The following CHD2 variants were observed in gnomAD, a reference collection of about 807,000 sequenced individuals.
The protein encoded by CHD2 is chromodomain helicase DNA binding protein 2, also known as ATP-dependent chromatin remodeler CHD2.
In CHD2, 28 loss-of-function variants were observed where a neutral mutation model predicts 243.9. The ratio of observed to expected loss-of-function variants is 0.11; its 90% CI spans 0.09 to 0.16. CHD2 has a LOEUF of 0.16. CHD2 is among the 10% of genes least tolerant of loss of function. The pLI is 1.00. For synonymous variants in CHD2, 775 were observed against 779.0 expected, an observed-to-expected ratio of 0.99 and a Z score of 0.09; for missense variants, 1,386 against 2,209.8, an observed-to-expected ratio of 0.63 and a Z score of 7.47.
At chr15:92,937,686 GATA>G in intron 6 of CHD2, 61 bp downstream of exon 6, 1 of 1,240,340 alleles carries the variant, frequency 8.1e-7, no homozygotes, top group Non-Finnish European at 1.2e-6. Context: ...GATTGGGAAG[GATA>G]ATGTCGTGCT....
At chr15:92,939,526 A>G in intron 6 of CHD2, 52 bp from the exon 7 acceptor site, 1 of 1,575,630 alleles carries the variant, frequency 6.3e-7, no homozygotes, top group Middle Eastern at 1.7e-4. Flanking sequence ...TATAAAGTAG[A>G]CACCAAATGA....
intron 16 of CHD2, among the ~76,000 whole-genome samples, chr15:92,962,610 C>T (rs781438762): frequency 6.6e-6 from 1 of 152,148 alleles, no homozygotes; most frequent in Non-Finnish European, 1.5e-5. Flanking sequence ...AAAGAATAAT[C>T]TGTATTCTGC....
At chr15:93,017,842 G>T (rs554631583) in intron 37 of CHD2, among the ~76,000 whole-genome samples, 1 of 152,334 alleles carries the variant, frequency 6.6e-6, no homozygotes, top group Admixed American at 6.5e-5. Context: ...ATGTTTCCCT[G>T]TTCTTAGATG....
intron 6 of CHD2, 80 bp from the exon 7 acceptor site, chr15:92,939,498 C>G: frequency 6.9e-7 from 1 of 1,449,750 alleles, no homozygotes. Context: ...TGAACCACTG[C>G]TCTGGGAAAT....
intron 19 of CHD2, chr15:92,973,984 G>A (rs1025768): frequency 0.77 from 116,825 of 152,110 alleles, 46,260 homozygotes; most frequent in East Asian, 1. Flanking sequence ...CTGGTGGGCA[G>A]AGTTCTGGGT....
chr15:92,999,951 A>G (rs1316041687), intron 31 of CHD2, among the ~76,000 whole-genome samples: 1 of 152,190 alleles, frequency 6.6e-6, no homozygotes, highest in Non-Finnish European at 1.5e-5. Flanking sequence ...ATGTGGAATC[A>G]GTAGGTTTAA....
intron 34 of CHD2, among the ~76,000 whole-genome samples, chr15:93,006,124 C>CTTTTTT (rs55820002): frequency 4.0e-5 from 5 of 125,282 alleles, no homozygotes; most frequent in Non-Finnish European, 6.7e-5. Flanking sequence ...CTCTCTCTCT[C>CTTTTTT]TTTTTTTTTT....
chr15:92,904,996 G>T (rs1159397411), intron 2 of CHD2: 15 of 1,535,870 alleles, frequency 9.8e-6, no homozygotes, highest in East Asian at 7.3e-5. Flanking sequence ...GCATTTGATG[G>T]AGAAAAACTC....
At chr15:92,918,740 C>A (rs544325424) in intron 2 of CHD2, among the ~76,000 whole-genome samples, 7 of 149,300 alleles carry the variant, frequency 4.7e-5, no homozygotes, top group Admixed American at 3.0e-4. Context: ...TAGGAAATGT[C>A]GTTTTTTTAA....
rs566526993 is a variant in CHD2, at chr15:92,993,049, G to A, written c.3595+51G>A. The stretch of plus-strand genomic sequence containing the variant: ...CTTCGCAACCTGGCACTCTTGGACT[G>A]GATTTCTGTTGCTAAAGGGCGTTTT... On this transcript the variant is annotated intron_variant, in intron 28 of 38. Transcript: ENST00000394196. 8.7e-5 allele frequency: 140 copies of A among 1,602,914 alleles called. No individual in the cohort carries two copies. In the South Asian group the frequency reaches 1.5e-3, roughly 17 times the overall value.
At chr15:92,950,967 A>G (rs4778060) in intron 13 of CHD2, among the ~76,000 whole-genome samples, 12,498 of 152,156 alleles carry the variant, frequency 0.082, 549 homozygotes, top group Middle Eastern at 0.22. Flanking sequence ...ATGATTCTGA[A>G]TTGCTTAAAA....
rs2054032074 is a variant in CHD2, at chr15:92,985,623, G to C, written c.3363G>C (p.Arg1121Ser). Reference sequence around the variant, plus strand: ...AGCCAAAGCGCAGAGGGCGTCCGAGGAGTGTGCGGAAGGACCTCGTGGAGG... The same window carrying C: ...AGCCAAAGCGCAGAGGGCGTCCGAGCAGTGTGCGGAAGGACCTCGTGGAGG... ...DKKPKRRGRP[R>S]SVRKDLVEGF... is the part of the protein sequence containing the mutation. The change falls in exon 26 of 39, where the codon AGG becomes AGC. Residue 1121 changes from arginine to serine, a missense_variant. Arg to Ser is a moderately radical substitution (Grantham distance 110). Around this residue, in one of 19 missense-constraint regions of CHD2, gnomAD observed 18 missense variants for 20.6 expected, o/e 0.88. Transcript: ENST00000394196. The C allele has an allele frequency of 6.2e-7, 1 of 1,613,808 alleles. No homozygotes were observed. Among genetic ancestry groups the C allele is most frequent in the African/African-American group, 1.3e-5 (1 of 75,062 alleles).
chr15:92,901,179 C>T lies in CHD2; in HGVS notation c.-59C>T. The T allele has an allele frequency of 1.0e-6, 1 of 981,646 alleles. No homozygotes were observed. The highest frequency in any genetic ancestry group is 1.6e-6 in the Non-Finnish European group (1 of 614,678). 60.8% of individuals were successfully genotyped at this position (981,646 alleles called of 1,614,324 possible). A position where few individuals can be genotyped will look rare whatever the true frequency, so the allele number is the denominator to read the frequency against. On this transcript the variant is annotated 5_prime_UTR_variant, in exon 2 of 39. Coordinates refer to ENST00000394196, the MANE Select transcript of CHD2 (RefSeq NM_001271.4). ...CAACTTTTGACAGTAAATACCTGGG[C>T]ACAGGACTTCAAAGCAAACACAGAT... is the stretch of plus-strand genomic sequence containing the variant.
At chr15:92,929,505 A>C (rs1238874151) in intron 5 of CHD2, among the ~76,000 whole-genome samples, 2 of 152,160 alleles carry the variant, frequency 1.3e-5, no homozygotes, top group African/African-American at 4.8e-5. Context: ...TTTGGTAAGA[A>C]ATTACATATT....
At chr15:92,991,364 C>T in intron 26 of CHD2, 112 bp from the exon 27 acceptor site, 1 of 657,972 alleles carries the variant, frequency 1.5e-6, no homozygotes, top group East Asian at 3.0e-5. Context: ...ATTGAGTCCA[C>T]TCTATTTTTG....
At chr15:93,020,603 G>A (rs903679804) in intron 38 of CHD2, 6 of 498,660 alleles carry the variant, frequency 1.2e-5, no homozygotes, top group Admixed American at 7.1e-5. Flanking sequence ...ATGGGTACCA[G>A]CCCACAGTCC....
intron 20 of CHD2, among the ~76,000 whole-genome samples, chr15:92,975,698 T>C (rs996995628): frequency 1.3e-5 from 2 of 152,044 alleles, no homozygotes; most frequent in African/African-American, 2.4e-5. Context: ...TAGAACAGAC[T>C]TAGCTTTCTG....
rs748991080 is a variant in CHD2 at position 93,019,992 on chromosome 15, C to T, written c.4907-20C>T. On this transcript the variant is annotated intron_variant, in intron 37 of 38. Transcript: ENST00000394196. The stretch of plus-strand genomic sequence containing the variant: ...CATCCATTTCTTGCAGTCATCAGAT[C>T]ATTCTTTCTTTTCCTGCAGATCGAG... The T allele has an allele frequency of 5.6e-6, 9 of 1,601,486 alleles. No homozygotes were observed. Among genetic ancestry groups the T allele is most frequent in the Non-Finnish European group, 6.8e-6 (8 of 1,171,728 alleles).
At chr15:92,917,700 G>A (rs1481285551) in intron 2 of CHD2, among the ~76,000 whole-genome samples, 1 of 152,234 alleles carries the variant, frequency 6.6e-6, no homozygotes, top group Non-Finnish European at 1.5e-5. Context: ...ACTGAAGAAT[G>A]TATGTAAATA....
Sources: allele counts gnomAD v4.1 joint callset (sites outside exome capture counted in the v4.1 genomes callset), GRCh38; gene constraint gnomAD v4.1.1; regional missense constraint gnomAD v4.1.1; transcripts MANE v1.5; gene names NCBI Gene and HGNC (gene_info 2026-07-23, HGNC 2026-07-21).